KCTD16: variants seen among roughly 807,000 people sequenced by gnomAD.
KCTD16 encodes potassium channel tetramerization domain containing 16.
A neutral mutation model predicts 33.2 loss-of-function variants in KCTD16; 13 were observed. That is an observed-to-expected ratio of 0.39 (90% confidence interval 0.25 to 0.62). KCTD16 has a LOEUF of 0.62. Ranked by LOEUF, KCTD16 falls within the 20% of genes least tolerant of loss-of-function variation. KCTD16 has a pLI of 0.50. For missense variants in KCTD16, 441 were observed against 525.1 expected, an observed-to-expected ratio of 0.84 and a Z score of 1.57; for synonymous variants, 197 against 195.3, an observed-to-expected ratio of 1.01 and a Z score of -0.07.
intron 3 of KCTD16, among the ~76,000 whole-genome samples, chr5:144,274,144 C>G (rs1204325613): frequency 6.6e-6 from 1 of 151,502 alleles, no homozygotes; most frequent in African/African-American, 2.4e-5. Flanking sequence ...CTCTTTTTCT[C>G]TTTCTATTTA....
intron 3 of KCTD16, among the ~76,000 whole-genome samples, chr5:144,225,194 G>A (rs1753892807): frequency 1.3e-5 from 2 of 152,130 alleles, no homozygotes; most frequent in Non-Finnish European, 2.9e-5. Flanking sequence ...CTCTAGTGGG[G>A]TGTGTGGATG....
intron 2 of KCTD16, among the ~76,000 whole-genome samples, chr5:144,184,658 C>T (rs920479210): frequency 6.6e-5 from 10 of 152,162 alleles, no homozygotes; most frequent in African/African-American, 1.2e-4. Context: ...TTGCTCCATA[C>T]GATAGCCAAC....
At chr5:144,179,470 C>T (rs1027418182) in intron 2 of KCTD16, among the ~76,000 whole-genome samples, 3 of 152,218 alleles carry the variant, frequency 2.0e-5, no homozygotes, top group Non-Finnish European at 4.4e-5. Flanking sequence ...CGTGCAGGCT[C>T]CTCTCTCCCA....
chr5:144,351,181 C>T (rs1327636992), intron 3 of KCTD16, among the ~76,000 whole-genome samples: 1 of 152,150 alleles, frequency 6.6e-6, no homozygotes, highest in Non-Finnish European at 1.5e-5. Context: ...TTCTCTGTCT[C>T]TGCCTCATCT....
At chr5:144,284,419 T>A (rs1037448932) in intron 3 of KCTD16, among the ~76,000 whole-genome samples, 1 of 152,224 alleles carries the variant, frequency 6.6e-6, no homozygotes, top group African/African-American at 2.4e-5. Context: ...CTTCGCAGCG[T>A]GGCTTAGAAG....
intron 3 of KCTD16, among the ~76,000 whole-genome samples, chr5:144,377,128 A>G (rs544504009): frequency 6.6e-6 from 1 of 152,284 alleles, no homozygotes; most frequent in South Asian, 2.1e-4. Context: ...TAGCTCTCCA[A>G]TGCTGGCCAT....
intron 3 of KCTD16, among the ~76,000 whole-genome samples, chr5:144,378,978 G>A (rs368249749): frequency 1.3e-5 from 2 of 152,198 alleles, no homozygotes; most frequent in South Asian, 4.1e-4. Context: ...CTTTCTCTTA[G>A]ATGCCTTGGC....
At chr5:144,330,900 A>G (rs1752342623) in intron 3 of KCTD16, among the ~76,000 whole-genome samples, 1 of 152,214 alleles carries the variant, frequency 6.6e-6, no homozygotes, top group Non-Finnish European at 1.5e-5. Flanking sequence ...AGACAGGCAA[A>G]GAAACAGATG....
intron 3 of KCTD16, among the ~76,000 whole-genome samples, chr5:144,268,372 G>A (rs1258107392): frequency 6.6e-6 from 1 of 152,156 alleles, no homozygotes; most frequent in Non-Finnish European, 1.5e-5. Flanking sequence ...GGATTTAAAG[G>A]GCTAGAGCAC....
At chr5:144,422,379 A>G (rs1411835117) in intron 3 of KCTD16, among the ~76,000 whole-genome samples, 1 of 152,190 alleles carries the variant, frequency 6.6e-6, no homozygotes, top group African/African-American at 2.4e-5. Flanking sequence ...AATTTAGAAC[A>G]TCCACATTTT....
At chr5:144,263,177 A>T (rs967112256) in intron 3 of KCTD16, among the ~76,000 whole-genome samples, 1 of 152,214 alleles carries the variant, frequency 6.6e-6, no homozygotes, top group African/African-American at 2.4e-5. Context: ...CTAATTCTGG[A>T]GGCTTTTATA....
intron 3 of KCTD16, among the ~76,000 whole-genome samples, chr5:144,440,988 T>C (rs1753693929): frequency 6.8e-6 from 1 of 147,848 alleles, no homozygotes; most frequent in African/African-American, 2.5e-5. Context: ...GAACATGCGG[T>C]GTTTGGTTTT....
chr5:144,288,363 G>C (rs1015169535), intron 3 of KCTD16, among the ~76,000 whole-genome samples: 1 of 152,146 alleles, frequency 6.6e-6, no homozygotes, highest in Admixed American at 6.5e-5. Flanking sequence ...GCTCATCAAC[G>C]TGTTGTGGGT....
At chr5:144,204,422 T>C (rs1753114046) in intron 2 of KCTD16, among the ~76,000 whole-genome samples, 1 of 152,222 alleles carries the variant, frequency 6.6e-6, no homozygotes, top group South Asian at 2.1e-4. Flanking sequence ...CAGGCTCAAC[T>C]GGAAGCACTT....
intron 3 of KCTD16, among the ~76,000 whole-genome samples, chr5:144,421,664 G>A (rs557078360): frequency 3.9e-5 from 6 of 152,198 alleles, no homozygotes; most frequent in South Asian, 2.1e-4. Flanking sequence ...TTGCACAGAC[G>A]TTACAATTAC....
rs1445778348 is a variant in KCTD16 at position 144,206,526 on chromosome 5, A to T, written c.-189A>T. On this transcript the variant is annotated 5_prime_UTR_variant, in exon 3 of 4. Transcript: ENST00000512467. ...CATCCAGGGTTTAAACTACTTTTTC[A>T]GCATCACTTCACCTGTGGACTCTTA... 2 of 550,200 alleles carry T rather than the reference A, an allele frequency of 3.6e-6. No individual in the cohort carries two copies. Among genetic ancestry groups the T allele is most frequent in the Non-Finnish European group, 6.4e-6 (2 of 313,570 alleles). The allele number at this position is 550,200 out of a possible 1,614,324, so 34.1% of individuals were successfully genotyped here. A position where few individuals can be genotyped will look rare whatever the true frequency, so the allele number is the denominator to read the frequency against.
intron 3 of KCTD16, among the ~76,000 whole-genome samples, chr5:144,468,412 CT>C (rs1422385645): frequency 6.6e-6 from 1 of 152,178 alleles, no homozygotes; most frequent in East Asian, 1.9e-4. Context: ...GTTTAACTGT[CT>C]GTTCTTGCCC....
chr5:144,335,127 A>G (rs1752454508), intron 3 of KCTD16, among the ~76,000 whole-genome samples: 1 of 152,086 alleles, frequency 6.6e-6, no homozygotes. Context: ...CATGGTGTCA[A>G]TCTTTAGCAA....
rs894205928 is a variant in KCTD16, at chr5:144,485,340, G to A, written c.*11226G>A. ...TCTATGTATGCAATATCTACACTGC[G>A]AATTACTACCATCTATTCTCACTGC... On this transcript the variant is annotated 3_prime_UTR_variant, in exon 4 of 4. Transcript: ENST00000512467. 6.6e-6 allele frequency: 1 copy of A among 151,786 alleles called. No homozygotes were observed. The highest frequency in any genetic ancestry group is 1.5e-5 in the Non-Finnish European group (1 of 67,872). The allele number at this position is 151,786 out of a possible 1,614,324, so 9.4% of individuals were successfully genotyped here.
Sources: gnomAD v4.1 joint callset for allele counts (sites outside exome capture counted in the v4.1 genomes callset) on GRCh38, gnomAD v4.1.1 for gene constraint, MANE v1.5 for transcripts, NCBI Gene and HGNC (gene_info 2026-07-23, HGNC 2026-07-21) for gene names.